TMEM50A: variants seen among roughly 807,000 people sequenced by gnomAD.
TMEM50A encodes the protein transmembrane protein 50A.
TMEM50A carries 8 observed loss-of-function variants against 23.9 expected under a neutral mutation model. The observed-to-expected ratio is 0.33, with a 90% CI of 0.20 to 0.60. The LOEUF (loss-of-function observed/expected upper bound fraction) is 0.60. Ranked by LOEUF, TMEM50A falls within the 20% of genes least tolerant of loss-of-function variation. TMEM50A has a pLI of 0.81. For synonymous variants in TMEM50A, 55 were observed against 60.4 expected (o/e 0.91, Z 0.41); for missense variants, 178 against 192.7 (o/e 0.92, Z 0.45).
intron 2 of TMEM50A, among the ~76,000 whole-genome samples, chr1:25,340,908 A>G (rs1219867938): frequency 6.6e-6 from 1 of 152,348 alleles, no homozygotes; most frequent in South Asian, 2.1e-4. Flanking sequence ...AAACCAGTCA[A>G]TAGATGTGAT....
rs1261246733 is a variant in TMEM50A, at chr1:25,351,610, TA to T, written c.207-15del. The T allele has an allele frequency of 6.3e-7, 1 of 1,595,930 alleles. No homozygotes were observed. Among genetic ancestry groups the T allele is most frequent in the African/African-American group, 1.4e-5 (1 of 73,954 alleles). ...GTCATGGACCCTGATTTCTTGGTTTTATTTTATTCATACAGGATTAATGCAG... is the reference window on the plus strand; with the variant it reads ...GTCATGGACCCTGATTTCTTGGTTTTTTTTATTCATACAGGATTAATGCAG... On this transcript the variant is annotated splice_polypyrimidine_tract_variant and intron_variant, in intron 3 of 6. Coordinates refer to ENST00000374358, the MANE Select transcript of TMEM50A (RefSeq NM_014313.4).
Position 25,340,568 on chromosome 1 carries a change from G to C in TMEM50A, c.82G>C (p.Ala28Pro). The change falls in exon 2 of 7, where the codon GCT becomes CCT. Residue 28 changes from alanine to proline, a missense_variant. Physicochemically the swap from Ala to Pro is conservative, Grantham distance 27. Coordinates refer to ENST00000374358, the MANE Select transcript of TMEM50A (RefSeq NM_014313.4). ...EKRNTIASIA[A>P]GVLFFTGWWI... ...GCGCAATACTATTGCTTCCATTGCTGCTGGTGTACTAGTAAGTGTCATTGA... is the reference window on the plus strand; with the variant it reads ...GCGCAATACTATTGCTTCCATTGCTCCTGGTGTACTAGTAAGTGTCATTGA... 1 of 1,613,220 alleles carries C rather than the reference G, an allele frequency of 6.2e-7. No homozygotes were observed. Among genetic ancestry groups the C allele is most frequent in the Non-Finnish European group, 8.5e-7 (1 of 1,179,654 alleles).
At chr1:25,346,239 T>C (rs924726688) in intron 3 of TMEM50A, among the ~76,000 whole-genome samples, 2 of 152,154 alleles carry the variant, frequency 1.3e-5, no homozygotes, top group African/African-American at 4.8e-5. Flanking sequence ...ACTCTCTCTG[T>C]GGGCCTTTCT....
intron 6 of TMEM50A, among the ~76,000 whole-genome samples, chr1:25,358,368 C>G (rs940892311): frequency 6.6e-6 from 1 of 152,174 alleles, no homozygotes; most frequent in African/African-American, 2.4e-5. Context: ...TGGCTTTCAT[C>G]AGATTTTCAA....
intron 1 of TMEM50A, among the ~76,000 whole-genome samples, chr1:25,340,071 C>T (rs564710546): frequency 3.3e-5 from 5 of 151,902 alleles, no homozygotes; most frequent in Non-Finnish European, 7.4e-5. Flanking sequence ...CAAGTAGCTG[C>T]GATTACAGAC....
intron 5 of TMEM50A, among the ~76,000 whole-genome samples, chr1:25,354,754 T>C (rs1645316091): frequency 6.6e-6 from 1 of 152,186 alleles, no homozygotes; most frequent in Admixed American, 6.5e-5. Context: ...CACATGATAT[T>C]ATAAGTTAGT....
At chr1:25,341,816 T>A (rs1645171533) in intron 2 of TMEM50A, among the ~76,000 whole-genome samples, 1 of 152,076 alleles carries the variant, frequency 6.6e-6, no homozygotes, top group Non-Finnish European at 1.5e-5. Context: ...CACCTCAGCC[T>A]CCGGAGTAGC....
At chr1:25,346,587 A>G (rs1645220141) in intron 3 of TMEM50A, among the ~76,000 whole-genome samples, 1 of 152,112 alleles carries the variant, frequency 6.6e-6, no homozygotes, top group African/African-American at 2.4e-5. Flanking sequence ...TTTTGTAAAG[A>G]CAGGATCTCA....
chr1:25,350,839 C>T (rs1369977355), intron 3 of TMEM50A, among the ~76,000 whole-genome samples: 3 of 152,052 alleles, frequency 2.0e-5, no homozygotes, highest in Non-Finnish European at 4.4e-5. Context: ...ATGCTGATTC[C>T]GCTAGCCTGG....
intron 3 of TMEM50A, among the ~76,000 whole-genome samples, chr1:25,345,199 C>T (rs1326870593): frequency 6.6e-6 from 1 of 151,008 alleles, no homozygotes; most frequent in Non-Finnish European, 1.5e-5. Context: ...AATCCCAACA[C>T]TTTGGGAGGC....
rs1387815141 is a variant in TMEM50A, at chr1:25,361,661, C to T, written c.*956C>T. 6.6e-6 allele frequency: 1 copy of T among 152,414 alleles called. No individual in the cohort carries two copies. The highest frequency in any genetic ancestry group is 1.5e-5 in the Non-Finnish European group (1 of 68,230). The allele number at this position is 152,414 out of a possible 1,614,324, so 9.4% of individuals were successfully genotyped here. ...CCTCTGCAAGATGGGATACACTCTT[C>T]AGGACCACAGTTTGAAATGTCTTTC... On this transcript the variant is annotated 3_prime_UTR_variant, in exon 7 of 7. Coordinates refer to ENST00000374358, the MANE Select transcript of TMEM50A (RefSeq NM_014313.4).
intron 3 of TMEM50A, among the ~76,000 whole-genome samples, chr1:25,348,102 T>C (rs934185349): frequency 2.0e-5 from 3 of 152,204 alleles, no homozygotes; most frequent in African/African-American, 7.2e-5. Flanking sequence ...AAACTTACAT[T>C]CTGTTGCATT....
intron 3 of TMEM50A, among the ~76,000 whole-genome samples, chr1:25,350,483 G>T (rs1020350525): frequency 6.6e-6 from 1 of 152,020 alleles, no homozygotes; most frequent in Admixed American, 6.5e-5. Context: ...CTGTTTCCCG[G>T]GTTCAAGCAA....
At chr1:25,346,224 G>A (rs970231985) in intron 3 of TMEM50A, among the ~76,000 whole-genome samples, 4 of 151,516 alleles carry the variant, frequency 2.6e-5, no homozygotes, top group African/African-American at 9.7e-5. Flanking sequence ...TTCCTTTAGG[G>A]ATCAACTCTC....
intron 3 of TMEM50A, among the ~76,000 whole-genome samples, chr1:25,350,671 A>T (rs1421444355): frequency 6.6e-6 from 1 of 152,020 alleles, no homozygotes; most frequent in African/African-American, 2.4e-5. Flanking sequence ...TATAGGCATG[A>T]ACCACCACGC....
intron 3 of TMEM50A, among the ~76,000 whole-genome samples, chr1:25,347,375 A>G (rs1645230124): frequency 6.6e-6 from 1 of 152,036 alleles, no homozygotes; most frequent in Admixed American, 6.6e-5. Context: ...AACTGGGATT[A>G]CAGACGCCCA....
In TMEM50A at chr1:25,361,984, G is replaced by A; in HGVS notation, c.*1279G>A. On this transcript the variant is annotated 3_prime_UTR_variant, in exon 7 of 7. Transcript: ENST00000374358. ...TTTAAACGACTTCCTCACGGTCACA[G>A]AACTAGTTTTTTAATCCTCAGGCAG... is the stretch of plus-strand genomic sequence containing the variant. 3 of 181,400 alleles carry A rather than the reference G, an allele frequency of 1.7e-5. No individual in the cohort carries two copies. In the South Asian group the frequency reaches 3.4e-4, roughly 20 times the overall value. The allele number at this position is 181,400 out of a possible 1,614,324, so 11.2% of individuals were successfully genotyped here. A position where few individuals can be genotyped will look rare whatever the true frequency, so the allele number is the denominator to read the frequency against.
At chr1:25,340,667 CT>C in intron 2 of TMEM50A, 88 bp downstream of exon 2, 1 of 943,816 alleles carries the variant, frequency 1.1e-6, no homozygotes, top group Non-Finnish European at 1.6e-6. Flanking sequence ...AAAATATGTA[CT>C]ATTTATTTTA....
intron 4 of TMEM50A, 118 bp from the exon 5 acceptor site, chr1:25,352,764 G>T: frequency 1.2e-6 from 1 of 813,962 alleles, no homozygotes; most frequent in Non-Finnish European, 1.9e-6. Context: ...CTGTTCTCAC[G>T]TTAGACTTTA....
Sources: allele counts gnomAD v4.1 joint callset (sites outside exome capture counted in the v4.1 genomes callset), GRCh38; gene constraint gnomAD v4.1.1; transcripts MANE v1.5; gene names NCBI Gene and HGNC (gene_info 2026-07-23, HGNC 2026-07-21).